The following HELQ variants were observed in gnomAD, a reference collection of about 807,000 sequenced individuals.
HELQ encodes helicase POLQ-like.
A neutral mutation model predicts 111.6 loss-of-function variants in HELQ; 77 were observed. The observed-to-expected ratio is 0.69, with a 90% CI of 0.57 to 0.83. HELQ has a LOEUF of 0.83. Ranked by LOEUF, HELQ falls within the 40% of genes least tolerant of loss-of-function variation. HELQ has a pLI of 0.00. For missense variants in HELQ, 1,200 were observed against 1,288.5 expected (o/e 0.93, Z 1.05); for synonymous variants, 438 against 454.7 (o/e 0.96, Z 0.47).
chr4:83,447,727 C>T lies in HELQ; in HGVS notation c.1192-692G>A, dbSNP rs148511431. ...TAAAAAAATTAGCCGGGCGTGGTGG[C>T]GTGTGCTTGCGATTCTGGCTGCTGG... On this transcript the variant is annotated intron_variant, in intron 3 of 17. Coordinates refer to ENST00000295488, the MANE Select transcript of HELQ (RefSeq NM_133636.5). Among the ~76,000 whole-genome samples the T allele has an allele frequency of 1.1e-3, 167 of 151,680 alleles. 2 individuals are homozygous for T. The highest frequency in any genetic ancestry group is 3.8e-3 in the African/African-American group (158 of 41,342).
rs766204829 is a variant in HELQ, at chr4:83,416,828, C to G, written c.3101G>C (p.Ser1034Thr). The G allele has an allele frequency of 1.1e-5, 17 of 1,613,800 alleles. No homozygotes were observed. Among genetic ancestry groups the G allele is most frequent in the Non-Finnish European group, 1.4e-5 (17 of 1,179,808 alleles). ...ATTTGCATTAGCTAAGTGCATTAGA[C>G]TTTTGTAACCTGCACTGTATAACTG... Reference protein sequence around the residue: ...AKQLYSAGYKSLMHLANANPE... With the variant: ...AKQLYSAGYKTLMHLANANPE... The change falls in exon 17 of 18, where the codon AGT becomes ACT. Residue 1034 changes from serine to threonine, a missense_variant. Transcript: ENST00000295488.
intron 2 of HELQ, 118 bp from the exon 3 acceptor site, chr4:83,449,079 T>C (rs1310205428): frequency 1.3e-6 from 1 of 751,820 alleles, no homozygotes; most frequent in African/African-American, 1.8e-5. Context: ...TAAGGATAAA[T>C]TTAATTATAA....
At chr4:83,435,043 A>C (rs1314953153) in intron 9 of HELQ, among the ~76,000 whole-genome samples, 1 of 152,222 alleles carries the variant, frequency 6.6e-6, no homozygotes, top group East Asian at 1.9e-4. Context: ...GTAAAATCAA[A>C]CTTCCTGGGT....
At chr4:83,412,491 C>A (rs1395863420) in intron 17 of HELQ, among the ~76,000 whole-genome samples, 1 of 152,158 alleles carries the variant, frequency 6.6e-6, no homozygotes, top group African/African-American at 2.4e-5. Flanking sequence ...CCTCCTTTTG[C>A]CTGCCTAAGG....
At chr4:83,411,333 C>G (rs947493425) in intron 17 of HELQ, among the ~76,000 whole-genome samples, 34 of 151,280 alleles carry the variant, frequency 2.2e-4, no homozygotes, top group African/African-American at 8.0e-4. Flanking sequence ...GGGTCTCCCC[C>G]AGGCATGGTG....
intron 9 of HELQ, among the ~76,000 whole-genome samples, chr4:83,433,177 C>T (rs1720249379): frequency 6.6e-6 from 1 of 152,106 alleles, no homozygotes; most frequent in Non-Finnish European, 1.5e-5. Context: ...TAGTCAACTT[C>T]CTCTTTATTT....
chr4:83,451,869 T>A (rs1156536403), intron 2 of HELQ, among the ~76,000 whole-genome samples: 2 of 152,218 alleles, frequency 1.3e-5, no homozygotes. Flanking sequence ...ATTTGGATTC[T>A]TGTAGAGTCT....
chr4:83,444,209 T>G (rs930345466), intron 5 of HELQ, among the ~76,000 whole-genome samples: 4 of 152,118 alleles, frequency 2.6e-5, no homozygotes, highest in African/African-American at 9.7e-5. Context: ...AGTATAAATC[T>G]GCTTATAACT....
intron 15 of HELQ, among the ~76,000 whole-genome samples, chr4:83,420,485 A>G (rs1264523071): frequency 6.6e-6 from 1 of 151,932 alleles, no homozygotes; most frequent in East Asian, 1.9e-4. Flanking sequence ...CCTTTGCACA[A>G]AAAAAATTTA....
rs1396924998 is a variant in HELQ, at chr4:83,447,003, G to A, written c.1224C>T (p.Leu408=). Residue 408 remains leucine (L), a synonymous_variant, in exon 4 of 18, where the codon CTC becomes CTT. Coordinates refer to ENST00000295488, the MANE Select transcript of HELQ (RefSeq NM_133636.5). ...ISGLSSFGIE[L]GFFVEEYAGS... ...CAGCATATTCTTCAACAAAGAAACCGAGTTCTATACCAAAACTTGACAAAC... is the reference window on the plus strand; with the variant it reads ...CAGCATATTCTTCAACAAAGAAACCAAGTTCTATACCAAAACTTGACAAAC... 3.7e-6 allele frequency: 6 copies of A among 1,613,246 alleles called. No individual in the cohort carries two copies. Among genetic ancestry groups the A allele is most frequent in the Admixed American group, 1.7e-5 (1 of 59,986 alleles).
rs551633669 is a variant in HELQ, at chr4:83,443,597, C to T, written c.1483G>A (p.Gly495Ser). The change falls in exon 6 of 18, where the codon GGT becomes AGT. Residue 495 changes from glycine (G) to serine (S), a missense_variant. Around this residue, in one of 3 missense-constraint regions of HELQ, gnomAD observed 610 missense variants for 607.1 expected, o/e 1.00. Coordinates refer to ENST00000295488, the MANE Select transcript of HELQ (RefSeq NM_133636.5). The part of the protein sequence containing the change: ...LYTSKTTQII[G>S]MSATLNNVED... ...ACATTGTTTAATGTTGCACTCATAC[C>T]AATAATTTGAGTCGTTTCTAAAACA... is the stretch of plus-strand genomic sequence containing the variant. 5.3e-5 allele frequency: 82 copies of T among 1,557,300 alleles called. 2 individuals are homozygous for T. In the South Asian group the frequency reaches 8.9e-4, roughly 17 times the overall value.
At position 83,443,597 on chromosome 4, in the gene HELQ, CAAT is replaced by C; in HGVS notation, c.1480_1482del (p.Ile494del). The C allele has an allele frequency of 1.3e-6, 2 of 1,557,306 alleles. No individual in the cohort carries two copies. The highest frequency in any genetic ancestry group is 1.8e-6 in the Non-Finnish European group (2 of 1,137,366). On this transcript the variant is annotated inframe_deletion, in exon 6 of 18. Coordinates refer to ENST00000295488, the MANE Select transcript of HELQ (RefSeq NM_133636.5). ...ACATTGTTTAATGTTGCACTCATAC[CAAT>C]AATTTGAGTCGTTTCTAAAACACAA... is the stretch of plus-strand genomic sequence containing the variant.
intron 17 of HELQ, among the ~76,000 whole-genome samples, chr4:83,411,696 G>T (rs373242338): frequency 6.6e-6 from 1 of 151,918 alleles, no homozygotes; most frequent in African/African-American, 2.4e-5. Context: ...AGGTTGGAGT[G>T]CAGTGGCATG....
intron 2 of HELQ, among the ~76,000 whole-genome samples, chr4:83,451,937 A>G (rs948655044): frequency 6.6e-6 from 1 of 152,210 alleles, no homozygotes; most frequent in African/African-American, 2.4e-5. Context: ...CTTCTCTGCA[A>G]GAACCCAAGT....
intron 8 of HELQ, 103 bp downstream of exon 8, chr4:83,439,760 T>C (rs1720671376): frequency 6.6e-6 from 5 of 755,838 alleles, no homozygotes; most frequent in South Asian, 3.8e-5. Flanking sequence ...CAACTTAATA[T>C]GATGTTTTGC....
rs185990570 is a variant in HELQ at position 83,421,461 on chromosome 4, C to A, written c.2949+102G>T. The stretch of plus-strand genomic sequence containing the variant: ...GCTCTGTAATAACAGAATATGTCAA[C>A]AAGGAGAAAATGCTGACATACTGAC... On this transcript the variant is annotated intron_variant, in intron 15 of 17. Transcript: ENST00000295488. 3.1e-4 allele frequency: 246 copies of A among 802,466 alleles called. 1 individual carries two copies. The East Asian group carries it at 5.7e-3, about 18-fold the overall frequency. 49.7% of individuals were successfully genotyped at this position (802,466 alleles called of 1,614,324 possible).
Position 83,441,404 on chromosome 4 carries a change from C to G in HELQ, c.1564-1G>C. 7.1e-7 allele frequency: 1 copy of G among 1,404,868 alleles called. No homozygotes were observed. The highest frequency in any genetic ancestry group is 1.0e-6 in the Non-Finnish European group (1 of 1,000,450). The allele number at this position is 1,404,868 out of a possible 1,614,324, so 87.0% of individuals were successfully genotyped here. A position where few individuals can be genotyped will look rare whatever the true frequency, so the allele number is the denominator to read the frequency against. On this transcript the variant is annotated splice_acceptor_variant, in intron 6 of 17. Transcript: ENST00000295488. LOFTEE classifies it high-confidence loss of function. ...TTTTCAGATATTCTTTTAACTCAAC[C>G]TTGAATTAAAAGGACATTTGCAATT...
chr4:83,436,373 T>G (rs1253230687), intron 9 of HELQ, among the ~76,000 whole-genome samples: 1 of 152,114 alleles, frequency 6.6e-6, no homozygotes, highest in Admixed American at 6.5e-5. Context: ...TACCCCATGA[T>G]CATAAATTAT....
At chr4:83,422,441 G>A (rs772993937) in intron 14 of HELQ, among the ~76,000 whole-genome samples, 5 of 152,058 alleles carry the variant, frequency 3.3e-5, no homozygotes, top group Non-Finnish European at 5.9e-5. Flanking sequence ...AAATCACCCT[G>A]GATTTACAGT....
Sources: gnomAD v4.1 joint callset for allele counts (sites outside exome capture counted in the v4.1 genomes callset) on GRCh38, gnomAD v4.1.1 for gene constraint, gnomAD v4.1.1 regional missense constraint, MANE v1.5 for transcripts, NCBI Gene and HGNC (gene_info 2026-07-23, HGNC 2026-07-21) for gene names.